The following MAST4 variants were observed in gnomAD, a reference collection of about 807,000 sequenced individuals.
MAST4 encodes the protein microtubule-associated serine/threonine-protein kinase 4.
MAST4 carries 89 observed loss-of-function variants against 162.7 expected under a neutral mutation model. That is an observed-to-expected ratio of 0.55 (90% CI 0.46 to 0.65). The LOEUF is 0.65. Ranked by LOEUF, MAST4 falls within the 30% of genes least tolerant of loss-of-function variation. The pLI, the probability that MAST4 is intolerant of heterozygous loss-of-function variation, is 0.00. For missense variants in MAST4, 3,153 were observed against 3,374.0 expected (o/e 0.93, Z 1.62); for synonymous variants, 1,479 against 1,361.1 (o/e 1.09, Z -1.91).
At chr5:67,058,510 T>G (rs2150578748) in intron 5 of MAST4, among the ~76,000 whole-genome samples, 1 of 152,326 alleles carries the variant, frequency 6.6e-6, no homozygotes, top group Admixed American at 6.5e-5. Context: ...GGTACCAGTT[T>G]TTTATTTAAA....
At chr5:66,834,503 C>T (rs1052300990) in intron 3 of MAST4, among the ~76,000 whole-genome samples, 1 of 152,136 alleles carries the variant, frequency 6.6e-6, no homozygotes, top group East Asian at 1.9e-4. Flanking sequence ...GGCCAGACTC[C>T]GGGGCCCAGC....
intron 7 of MAST4, 124 bp from the exon 8 acceptor site, chr5:67,100,311 T>A: frequency 1.1e-6 from 1 of 934,768 alleles, no homozygotes; most frequent in African/African-American, 1.7e-5. Flanking sequence ...TTCTTATAAC[T>A]TTAACATGAA....
intron 5 of MAST4, among the ~76,000 whole-genome samples, chr5:67,077,640 T>C (rs974944463): frequency 6.6e-6 from 1 of 152,226 alleles, no homozygotes; most frequent in African/African-American, 2.4e-5. Flanking sequence ...TTTACTTAAG[T>C]GTGTCTTGCT....
rs150327285 is a variant in MAST4 at position 66,715,452 on chromosome 5, A to T, written c.364-44257A>T. ...CTATCACAACACTTCTTTCATTCCC[A>T]TCAACTTATTTACATGAACAAGGCT... On this transcript the variant is annotated intron_variant, in intron 1 of 28. Transcript: ENST00000403625. Among the ~76,000 whole-genome samples the T allele has an allele frequency of 6.9e-3, 1,016 of 148,190 alleles. 3 individuals are homozygous for T. The highest frequency in any genetic ancestry group is 0.038 in the South Asian group (177 of 4,644).
chr5:67,012,985 TAAG>T (rs1752874125), intron 4 of MAST4, among the ~76,000 whole-genome samples: 1 of 152,318 alleles, frequency 6.6e-6, no homozygotes, highest in South Asian at 2.1e-4. Context: ...AATAGATTGG[TAAG>T]AAGAATAGGC....
At chr5:66,789,598 G>A (rs1755288931) in intron 3 of MAST4, 2 of 349,678 alleles carry the variant, frequency 5.7e-6, no homozygotes. Flanking sequence ...TTGCATTCCA[G>A]GCAAGAATAC....
At position 67,017,605 on chromosome 5, in the gene MAST4, C is replaced by CTT. The variant is rs34059850; in HGVS notation, c.675-36784_675-36783dup. On this transcript the variant is annotated intron_variant, in intron 4 of 28. Coordinates refer to ENST00000403625, the MANE Select transcript of MAST4 (RefSeq NM_001164664.2). ...TATTTCTTTCTTTCTTTTTTCTTTTCTTTTTTTTTTTTTTTTGAGACAGAC... is the reference window on the plus strand; with the variant it reads ...TATTTCTTTCTTTCTTTTTTCTTTTCTTTTTTTTTTTTTTTTTTGAGACAGAC... Among the ~76,000 whole-genome samples the CTT allele has an allele frequency of 2.4e-3, 325 of 134,998 alleles. 2 individuals carry two copies. Among genetic ancestry groups the CTT allele is most frequent in the South Asian group, 0.018 (75 of 4,176 alleles). 88.6% of individuals were successfully genotyped at this position (134,998 alleles called of 152,430 possible).
At chr5:66,765,979 C>T (rs533806523) in intron 2 of MAST4, among the ~76,000 whole-genome samples, 2 of 152,272 alleles carry the variant, frequency 1.3e-5, no homozygotes, top group Admixed American at 6.5e-5. Context: ...TAAATAAGCA[C>T]CTAGAAGCCT....
chr5:66,986,612 A>ATC (rs1481261991), intron 4 of MAST4: 1 of 241,876 alleles, frequency 4.1e-6, no homozygotes, highest in Non-Finnish European at 7.0e-6. Context: ...ATATATATAT[A>ATC]TATATATTTA....
chr5:67,014,453 C>G (rs922492859), intron 4 of MAST4, among the ~76,000 whole-genome samples: 1 of 152,104 alleles, frequency 6.6e-6, no homozygotes, highest in Non-Finnish European at 1.5e-5. Flanking sequence ...GCAAAATAAG[C>G]CTCTAAGCGT....
At chr5:66,603,826 A>G (rs1202004935) in intron 1 of MAST4, among the ~76,000 whole-genome samples, 1 of 152,170 alleles carries the variant, frequency 6.6e-6, no homozygotes, top group East Asian at 1.9e-4. Flanking sequence ...TCAGGCTAAC[A>G]TTTACACAAC....
intron 4 of MAST4, among the ~76,000 whole-genome samples, chr5:66,937,713 T>C (rs1742910817): frequency 6.6e-6 from 1 of 152,156 alleles, no homozygotes; most frequent in Non-Finnish European, 1.5e-5. Context: ...TGGTTGAGGT[T>C]CTCCCTTCAT....
chr5:67,103,352 T>C (rs532166312), intron 9 of MAST4, among the ~76,000 whole-genome samples: 33 of 152,364 alleles, frequency 2.2e-4, no homozygotes, highest in Admixed American at 2.0e-3. Flanking sequence ...ATGAAAATCT[T>C]TGGTTTCATA....
At chr5:66,620,732 C>G (rs1744023061) in intron 1 of MAST4, among the ~76,000 whole-genome samples, 1 of 151,088 alleles carries the variant, frequency 6.6e-6, no homozygotes, top group South Asian at 2.1e-4. Flanking sequence ...GTGTCTATCT[C>G]TCTTTTCTCC....
rs752882155 is a variant in MAST4, at chr5:67,160,595, T to C, written c.3785+3T>C. On this transcript the variant is annotated splice_donor_region_variant and intron_variant, in intron 27 of 28. Transcript: ENST00000403625. ...AAGAAGAAAGAAAGTCTCGAAAGGT[T>C]AGTAAAATCAGTATTCTTTTTAAGT... is the stretch of plus-strand genomic sequence containing the variant. 24 of 1,612,486 alleles carry C rather than the reference T, an allele frequency of 1.5e-5. No individual in the cohort carries two copies. The highest frequency in any genetic ancestry group is 1.7e-5 in the Admixed American group (1 of 59,664).
At chr5:66,993,803 G>C (rs533657012) in intron 4 of MAST4, among the ~76,000 whole-genome samples, 2 of 152,032 alleles carry the variant, frequency 1.3e-5, no homozygotes, top group Non-Finnish European at 2.9e-5. Flanking sequence ...CATTAAAAGA[G>C]GTTTTGATAT....
chr5:66,726,537 G>A (rs1751531241), intron 1 of MAST4, among the ~76,000 whole-genome samples: 1 of 152,074 alleles, frequency 6.6e-6, no homozygotes, highest in Non-Finnish European at 1.5e-5. Flanking sequence ...GGTACACCAT[G>A]CTAAGGGAAC....
At chr5:67,054,158 G>A (rs1274282346) in intron 4 of MAST4, among the ~76,000 whole-genome samples, 1 of 152,196 alleles carries the variant, frequency 6.6e-6, no homozygotes, top group African/African-American at 2.4e-5. Flanking sequence ...CTGGAAGAAG[G>A]CATTTGATTA....
At chr5:66,826,879 C>G (rs1054885894) in intron 3 of MAST4, among the ~76,000 whole-genome samples, 1 of 152,182 alleles carries the variant, frequency 6.6e-6, no homozygotes, top group African/African-American at 2.4e-5. Flanking sequence ...AAGGCTTTGT[C>G]TAAAACAACT....
Sources: allele counts gnomAD v4.1 joint callset (sites outside exome capture counted in the v4.1 genomes callset), GRCh38; gene constraint gnomAD v4.1.1; transcripts MANE v1.5; gene names NCBI Gene and HGNC (gene_info 2026-07-23, HGNC 2026-07-21).